The following CSMD1 variants were observed in gnomAD, a reference collection of about 807,000 sequenced individuals.
The protein encoded by CSMD1 is CUB and sushi domain-containing protein 1.
Under a neutral mutation model 417.5 loss-of-function variants are expected in CSMD1, and 213 were observed. The observed-to-expected ratio is 0.51, with a 90% CI of 0.46 to 0.57. The LOEUF (loss-of-function observed/expected upper bound fraction) is 0.57. Ranked by LOEUF, CSMD1 falls within the 20% of genes least tolerant of loss-of-function variation. CSMD1 has a pLI of 0.00. For synonymous variants in CSMD1, 2,862 were observed against 1,736.8 expected, an observed-to-expected ratio of 1.65 and a Z score of -16.11; for missense variants, 6,923 against 4,529.7, an observed-to-expected ratio of 1.53 and a Z score of -15.17.
intron 26 of CSMD1, among the ~76,000 whole-genome samples, chr8:3,253,334 T>G (rs369803979): frequency 6.6e-6 from 1 of 152,086 alleles, no homozygotes; most frequent in Non-Finnish European, 1.5e-5. Flanking sequence ...TGTAGTTGAG[T>G]GGTTTTGAGT....
At chr8:3,259,489 A>C (rs186683750) in intron 26 of CSMD1, among the ~76,000 whole-genome samples, 1 of 152,198 alleles carries the variant, frequency 6.6e-6, no homozygotes, top group Non-Finnish European at 1.5e-5. Context: ...AAAGAATTGA[A>C]ATTTTCAGTC....
chr8:4,844,501 G>T (rs566708529), intron 1 of CSMD1, among the ~76,000 whole-genome samples: 1 of 151,930 alleles, frequency 6.6e-6, no homozygotes, highest in Non-Finnish European at 1.5e-5. Context: ...CAGCACTCTT[G>T]GCCGCGTCAA....
At chr8:4,944,355 A>C (rs532240562) in intron 1 of CSMD1, among the ~76,000 whole-genome samples, 1 of 152,356 alleles carries the variant, frequency 6.6e-6, no homozygotes, top group Non-Finnish European at 1.5e-5. Context: ...GTTTGGGTTT[A>C]AATTATAAGG....
In CSMD1 at chr8:4,676,343, T is replaced by G. The variant is rs546594691; in HGVS notation, c.86-38785A>C. Among the ~76,000 whole-genome samples the G allele has an allele frequency of 4.6e-5, 7 of 152,158 alleles. No individual in the cohort carries two copies. In the South Asian group the frequency reaches 1.0e-3, roughly 23 times the overall value. On this transcript the variant is annotated intron_variant, in intron 1 of 69. Transcript: ENST00000635120. ...TGAAACAGAAGCTCCTGTATCCATC[T>G]GCCCTGAACTGCACCACTGCCCTAA...
intron 1 of CSMD1, among the ~76,000 whole-genome samples, chr8:4,833,974 AAG>A (rs1192800725): frequency 2.0e-5 from 3 of 152,298 alleles, no homozygotes; most frequent in African/African-American, 7.2e-5. Flanking sequence ...TAGCACCTTG[AAG>A]AGTCTCTCAC....
intron 1 of CSMD1, among the ~76,000 whole-genome samples, chr8:4,753,430 CACACACACACACACACAT>C (rs2117059501): frequency 6.6e-6 from 1 of 151,184 alleles, no homozygotes; most frequent in South Asian, 2.1e-4. Flanking sequence ...CACACACACA[CACACACACACACACACAT>C]GCGCACACAC....
chr8:3,496,083 G>A (rs935536136), intron 10 of CSMD1, among the ~76,000 whole-genome samples: 1 of 152,062 alleles, frequency 6.6e-6, no homozygotes, highest in Non-Finnish European at 1.5e-5. Context: ...AATAGGCTCC[G>A]ATGTGTGTTG....
chr8:3,684,817 T>G (rs539784308), intron 7 of CSMD1, among the ~76,000 whole-genome samples: 1 of 152,152 alleles, frequency 6.6e-6, no homozygotes, highest in Non-Finnish European at 1.5e-5. Flanking sequence ...CTATAGATCA[T>G]ATTCCAAACT....
Position 3,230,252 on chromosome 8 carries a change from A to G in CSMD1, c.4154-21T>C, listed in dbSNP as rs749970331. On this transcript the variant is annotated intron_variant, in intron 26 of 69. Coordinates refer to ENST00000635120, the MANE Select transcript of CSMD1 (RefSeq NM_033225.6). ...TGAGGCTGCAAACAAAAGAGAAGGC[A>G]AGGTCACAGGCTGGAAAACATGGTT... 2.9e-5 allele frequency: 45 copies of G among 1,543,774 alleles called. 1 individual carries two copies. Among genetic ancestry groups the G allele is most frequent in the Non-Finnish European group, 3.9e-5 (44 of 1,141,274 alleles).
chr8:4,160,839 G>C (rs771056252), intron 3 of CSMD1, among the ~76,000 whole-genome samples: 2 of 152,200 alleles, frequency 1.3e-5, no homozygotes, highest in Non-Finnish European at 2.9e-5. Flanking sequence ...AAAGGAACTT[G>C]AAGTTTCTAA....
At chr8:4,166,701 C>G (rs1266455353) in intron 3 of CSMD1, among the ~76,000 whole-genome samples, 2 of 151,982 alleles carry the variant, frequency 1.3e-5, no homozygotes, top group African/African-American at 4.8e-5. Flanking sequence ...AAAATCAGCT[C>G]TAAAGAACAT....
intron 7 of CSMD1, among the ~76,000 whole-genome samples, chr8:3,670,297 C>CAGGATGTAAGGT (rs1798921767): frequency 6.6e-6 from 1 of 151,882 alleles, no homozygotes; most frequent in Non-Finnish European, 1.5e-5. Context: ...TTCTCCTGTG[C>CAGGATGTAAGGT]CGGATGCTTC....
chr8:3,863,475 T>C (rs954470118), intron 5 of CSMD1, among the ~76,000 whole-genome samples: 2 of 150,660 alleles, frequency 1.3e-5, no homozygotes, highest in African/African-American at 2.4e-5. Context: ...AATGACCCCA[T>C]CTCCCTGCCT....
At chr8:3,701,413 T>A (rs2624099) in intron 7 of CSMD1, among the ~76,000 whole-genome samples, 3,740 of 152,080 alleles carry the variant, frequency 0.025, 144 homozygotes, top group African/African-American at 0.082. Context: ...CGAAAGTCTG[T>A]CCCCGGGCTG....
rs1407605434 is a variant in CSMD1, at chr8:4,182,043, TCG to T, written c.416-149946_416-149945del. On this transcript the variant is annotated intron_variant, in intron 3 of 69. Transcript: ENST00000635120. ...ACACACCCGTGTGTGTGTGTGTGTG[TCG>T]GTGTGTGTGTGTGTGTATACCTAAA... Among the ~76,000 whole-genome samples, 114 of 67,776 alleles carry T rather than the reference TCG, an allele frequency of 1.7e-3. 2 individuals carry two copies. The highest frequency in any genetic ancestry group is 5.3e-3 in the South Asian group (11 of 2,090). 44.5% of individuals were successfully genotyped at this position (67,776 alleles called of 152,430 possible).
chr8:3,177,456 T>A (rs933991438), intron 37 of CSMD1, among the ~76,000 whole-genome samples: 2 of 152,202 alleles, frequency 1.3e-5, no homozygotes, highest in Non-Finnish European at 2.9e-5. Context: ...ACCTGTCATT[T>A]CAGGATCTCA....
intron 8 of CSMD1, among the ~76,000 whole-genome samples, chr8:3,611,580 G>A (rs918742496): frequency 1.3e-5 from 2 of 152,202 alleles, no homozygotes; most frequent in Admixed American, 6.5e-5. Flanking sequence ...ATTTTCATTA[G>A]TAATAAAATT....
At chr8:4,100,134 C>T (rs939896920) in intron 3 of CSMD1, among the ~76,000 whole-genome samples, 1 of 152,110 alleles carries the variant, frequency 6.6e-6, no homozygotes, top group Non-Finnish European at 1.5e-5. Flanking sequence ...ACTTACTTTT[C>T]CCAATACCTT....
chr8:4,231,842 G>A (rs936744352), intron 3 of CSMD1, among the ~76,000 whole-genome samples: 5 of 152,284 alleles, frequency 3.3e-5, no homozygotes, highest in African/African-American at 1.2e-4. Flanking sequence ...CAGAATATCT[G>A]TACATGTATA....
Sources: allele counts gnomAD v4.1 joint callset (sites outside exome capture counted in the v4.1 genomes callset), GRCh38; gene constraint gnomAD v4.1.1; transcripts MANE v1.5; gene names NCBI Gene and HGNC (gene_info 2026-07-23, HGNC 2026-07-21).